OR2T12: variants seen among roughly 807,000 people sequenced by gnomAD.
OR2T12 encodes the protein olfactory receptor family 2 subfamily T member 12.
For synonymous variants in OR2T12, 127 were observed against 160.5 expected, an observed-to-expected ratio of 0.79 and a Z score of 1.58; for missense variants, 335 against 404.3, an observed-to-expected ratio of 0.83 and a Z score of 1.47.
chr1:248,296,335 A>G (rs970004583), intron 2 of OR2T12, among the ~76,000 whole-genome samples: 7 of 152,208 alleles, frequency 4.6e-5, no homozygotes, highest in African/African-American at 1.4e-4. Flanking sequence ...GTTTCTTTAT[A>G]GCACCATGAT....
rs1659668752 is a variant in OR2T12 at position 248,293,748 on chromosome 1, G to T, written c.*868C>A. On this transcript the variant is annotated 3_prime_UTR_variant, in exon 3 of 3. Coordinates refer to ENST00000641276, the MANE Select transcript of OR2T12 (RefSeq NM_001004692.2). Reference sequence around the variant, plus strand: ...TCAGAGTTCATATCGATGGAGGTATGTCAATAAGTCAAGGTAACCTTAAAG... The same window carrying T: ...TCAGAGTTCATATCGATGGAGGTATTTCAATAAGTCAAGGTAACCTTAAAG... 6.6e-6 allele frequency: 1 copy of T among 152,104 alleles called. No homozygotes were observed. The highest frequency in any genetic ancestry group is 6.6e-5 in the Admixed American group (1 of 15,264). The allele number at this position is 152,104 out of a possible 1,614,324, so 9.4% of individuals were successfully genotyped here. A position where few individuals can be genotyped will look rare whatever the true frequency, so the allele number is the denominator to read the frequency against.
At position 248,301,541 on chromosome 1, in the gene OR2T12, C is replaced by T. The variant is rs1001566810; in HGVS notation, c.-177G>A. On this transcript the variant is annotated 5_prime_UTR_variant, in exon 2 of 3. Coordinates refer to ENST00000641276, the MANE Select transcript of OR2T12 (RefSeq NM_001004692.2). ...AAATATCATTGCAACTCCAAGTTATCCAGGACTCTTCACTGCCAAAAAAAG... is the reference window on the plus strand; with the variant it reads ...AAATATCATTGCAACTCCAAGTTATTCAGGACTCTTCACTGCCAAAAAAAG... 8 of 151,986 alleles carry T rather than the reference C, an allele frequency of 5.3e-5. No individual in the cohort carries two copies. The highest frequency in any genetic ancestry group is 1.7e-4 in the African/African-American group (7 of 41,392). The allele number at this position is 151,986 out of a possible 1,614,324, so 9.4% of individuals were successfully genotyped here.
chr1:248,303,214 A>G (rs1022219735), intron 1 of OR2T12, 132 bp downstream of exon 1: 2 of 152,186 alleles, frequency 1.3e-5, no homozygotes, highest in Admixed American at 1.3e-4. Context: ...CATATTGTAC[A>G]GATAAAATAG....
chr1:248,297,650 CT>C (rs1659750874), intron 2 of OR2T12, among the ~76,000 whole-genome samples: 1 of 151,966 alleles, frequency 6.6e-6, no homozygotes, highest in Non-Finnish European at 1.5e-5. Context: ...ATTTGGCTCT[CT>C]GTCTGTTATT....
chr1:248,293,155 G>T lies in OR2T12; in HGVS notation c.*1461C>A, dbSNP rs1399251968. ...CTGAATAGCCTTCTCTTAAGACATG[G>T]GCTCAGGATCTGCATGCAGTGGTTA... On this transcript the variant is annotated 3_prime_UTR_variant, in exon 3 of 3. Coordinates refer to ENST00000641276, the MANE Select transcript of OR2T12 (RefSeq NM_001004692.2). The T allele has an allele frequency of 1.3e-5, 2 of 152,014 alleles. No homozygotes were observed. The highest frequency in any genetic ancestry group is 2.9e-5 in the Non-Finnish European group (2 of 67,966). 9.4% of individuals were successfully genotyped at this position (152,014 alleles called of 1,614,324 possible).
intron 2 of OR2T12, among the ~76,000 whole-genome samples, chr1:248,297,637 A>C (rs1028292162): frequency 6.6e-6 from 1 of 152,150 alleles, no homozygotes. Context: ...GAGTTTACTC[A>C]TGATTTGGCT....
intron 2 of OR2T12, among the ~76,000 whole-genome samples, chr1:248,296,648 G>A (rs1659733002): frequency 6.6e-6 from 1 of 152,146 alleles, no homozygotes; most frequent in Admixed American, 6.5e-5. Flanking sequence ...CTGCATAAAT[G>A]TCTTCTTTTG....
At chr1:248,301,028 A>G (rs4430369) in intron 2 of OR2T12, among the ~76,000 whole-genome samples, 121,162 of 152,030 alleles carry the variant, frequency 0.8, 48,682 homozygotes, top group South Asian at 0.88. Context: ...AATTGTCTCC[A>G]TCACATTAGT....
At chr1:248,302,723 A>T (rs1659826815) in intron 1 of OR2T12, among the ~76,000 whole-genome samples, 1 of 152,166 alleles carries the variant, frequency 6.6e-6, no homozygotes, top group African/African-American at 2.4e-5. Flanking sequence ...AAATATTTGC[A>T]TATGTATAAG....
In OR2T12 at chr1:248,294,491, C is replaced by A. The variant is rs1659681997; in HGVS notation, c.*125G>T. ...GTCAATACAATTGGCTCACTTCATT[C>A]TTAAAAATATCTTATTATATCAATA... is the stretch of plus-strand genomic sequence containing the variant. On this transcript the variant is annotated 3_prime_UTR_variant, in exon 3 of 3. Transcript: ENST00000641276. The A allele has an allele frequency of 3.8e-6, 5 of 1,321,096 alleles. No homozygotes were observed. The highest frequency in any genetic ancestry group is 5.2e-6 in the Non-Finnish European group (5 of 964,376). 81.8% of individuals were successfully genotyped at this position (1,321,096 alleles called of 1,614,324 possible).
Position 248,291,626 on chromosome 1 carries a change from A to T in OR2T12, c.*2990T>A, listed in dbSNP as rs1344191875. On this transcript the variant is annotated 3_prime_UTR_variant, in exon 3 of 3. Coordinates refer to ENST00000641276, the MANE Select transcript of OR2T12 (RefSeq NM_001004692.2). Reference sequence around the variant, plus strand: ...TATGGAATCAATAAAGAGCCCATTTAGCCAAGACAATCCTAAGCAAAAAGA... The same window carrying T: ...TATGGAATCAATAAAGAGCCCATTTTGCCAAGACAATCCTAAGCAAAAAGA... The T allele has an allele frequency of 6.6e-6, 1 of 152,140 alleles. No individual in the cohort carries two copies. Among genetic ancestry groups the T allele is most frequent in the Non-Finnish European group, 1.5e-5 (1 of 68,008 alleles). The allele number at this position is 152,140 out of a possible 1,614,324, so 9.4% of individuals were successfully genotyped here. A position where few individuals can be genotyped will look rare whatever the true frequency, so the allele number is the denominator to read the frequency against.
intron 2 of OR2T12, among the ~76,000 whole-genome samples, chr1:248,298,528 C>A (rs1244009898): frequency 2.0e-5 from 3 of 151,440 alleles, no homozygotes; most frequent in African/African-American, 4.9e-5. Context: ...ACAATTTCAG[C>A]TCCTGTTATT....
intron 2 of OR2T12, among the ~76,000 whole-genome samples, chr1:248,298,640 G>T (rs1450747670): frequency 1.3e-5 from 2 of 151,462 alleles, no homozygotes; most frequent in African/African-American, 4.9e-5. Flanking sequence ...TATTTGCGTA[G>T]AGGTGTTTGT....
At chr1:248,296,495 T>C (rs1471734801) in intron 2 of OR2T12, among the ~76,000 whole-genome samples, 1 of 152,198 alleles carries the variant, frequency 6.6e-6, no homozygotes, top group Non-Finnish European at 1.5e-5. Context: ...TTCCTATTTC[T>C]CCACATCCTC....
In OR2T12 at chr1:248,301,518, A is replaced by G. The variant is rs1382013539; in HGVS notation, c.-154T>C. On this transcript the variant is annotated 5_prime_UTR_variant, in exon 2 of 3. Coordinates refer to ENST00000641276, the MANE Select transcript of OR2T12 (RefSeq NM_001004692.2). Reference sequence around the variant, plus strand: ...CCTATAAAAATGGATCTGTGGTGAAATATCATTGCAACTCCAAGTTATCCA... The same window carrying G: ...CCTATAAAAATGGATCTGTGGTGAAGTATCATTGCAACTCCAAGTTATCCA... The G allele has an allele frequency of 1.3e-5, 2 of 152,038 alleles. No homozygotes were observed. Among genetic ancestry groups the G allele is most frequent in the East Asian group, 3.8e-4 (2 of 5,196 alleles). 9.4% of individuals were successfully genotyped at this position (152,038 alleles called of 1,614,324 possible).
rs41310573 is a variant in OR2T12, at chr1:248,295,464, T to C, written c.115A>G (p.Ser39Gly). Reference sequence around the variant, plus strand: ...ATCAGGAGAATCATGAGGGCATTGCTAAACAGGGAGGTCAAAACGGTGGCC... The same window carrying C: ...ATCAGGAGAATCATGAGGGCATTGCCAAACAGGGAGGTCAAAACGGTGGCC... ...LLATVLTSLF[S>G]NALMILLIHW... The change falls in exon 3 of 3, where the codon AGC becomes GGC. Residue 39 changes from serine (S) to glycine (G), a missense_variant. Ser to Gly is a moderately conservative substitution (Grantham distance 56). Transcript: ENST00000641276. 3,391 of 1,605,308 alleles carry C rather than the reference T, an allele frequency of 2.1e-3. 5 individuals are homozygous for C. Among genetic ancestry groups the C allele is most frequent in the African/African-American group, 7.8e-3 (574 of 73,288 alleles).
Position 248,295,575 on chromosome 1 carries a change from C to T in OR2T12, c.4G>A (p.Glu2Lys), listed in dbSNP as rs759100628. Residue 2 changes from glutamate to lysine, a missense_variant, in exon 3 of 3, where the codon GAG becomes AAG. Glu to Lys is a moderately conservative substitution (Grantham distance 56). Transcript: ENST00000641276. Reference sequence around the variant, plus strand: ...AAATCTGGGGTAGTATTTCTCATCTCCATAATTTCCCCTGGTGTGATGGTG... The same window carrying T: ...AAATCTGGGGTAGTATTTCTCATCTTCATAATTTCCCCTGGTGTGATGGTG... Reference protein sequence around the residue: MEMRNTTPDFIL... With the variant: MKMRNTTPDFIL... 8.5e-6 allele frequency: 13 copies of T among 1,527,612 alleles called. No homozygotes were observed. The highest frequency in any genetic ancestry group is 1.1e-5 in the Non-Finnish European group (13 of 1,136,732). The allele number at this position is 1,527,612 out of a possible 1,614,324, so 94.6% of individuals were successfully genotyped here.
At position 248,295,602 on chromosome 1, in the gene OR2T12, A is replaced by C; in HGVS notation, c.-8-16T>G. On this transcript the variant is annotated splice_polypyrimidine_tract_variant and intron_variant, in intron 2 of 2. Transcript: ENST00000641276. The stretch of plus-strand genomic sequence containing the variant: ...ATAATTTCCCCTGGTGTGATGGTGC[A>C]AATGGAAAAATAGAGAAAGAAGAGG... The C allele has an allele frequency of 6.5e-7, 1 of 1,547,244 alleles. No homozygotes were observed. Among genetic ancestry groups the C allele is most frequent in the Non-Finnish European group, 8.7e-7 (1 of 1,149,382 alleles).
chr1:248,303,271 A>G (rs1019173918), intron 1 of OR2T12, 75 bp downstream of exon 1: 3 of 152,188 alleles, frequency 2.0e-5, no homozygotes, highest in African/African-American at 7.2e-5. Flanking sequence ...AAGAAATGAA[A>G]TTAATCATCA....
Sources: gnomAD v4.1 joint callset for allele counts (sites outside exome capture counted in the v4.1 genomes callset) on GRCh38, gnomAD v4.1.1 for gene constraint, MANE v1.5 for transcripts, NCBI Gene and HGNC (gene_info 2026-07-23, HGNC 2026-07-21) for gene names.